Variants in RAF1 observed in about 807,000 individuals in gnomAD.
RAF1 encodes Raf-1 proto-oncogene, serine/threonine kinase, also known as RAF proto-oncogene serine/threonine-protein kinase.
Under a neutral mutation model 81.1 loss-of-function variants are expected in RAF1, and 27 were observed. The observed-to-expected ratio is 0.33, with a 90% CI of 0.25 to 0.46. The LOEUF (loss-of-function observed/expected upper bound fraction) is 0.46, where lower values mean the gene tolerates loss of function less well. RAF1 is among the 20% of genes least tolerant of loss of function. The pLI is 1.00. For synonymous variants in RAF1, 298 were observed against 294.0 expected (o/e 1.01, Z -0.14); for missense variants, 598 against 826.0 (o/e 0.72, Z 3.38).
chr3:12,631,579 A>G (rs1397568568), intron 1 of RAF1, among the ~76,000 whole-genome samples: 1 of 152,234 alleles, frequency 6.6e-6, no homozygotes, highest in Non-Finnish European at 1.5e-5. Flanking sequence ...AGCCTAGGCG[A>G]CACAGTGAGA....
chr3:12,635,318 CAAAAAAAAAAAAAAAAAAAAAAAAA>C (rs71063852), intron 1 of RAF1, among the ~76,000 whole-genome samples: 14 of 27,598 alleles, frequency 5.1e-4, no homozygotes, highest in Non-Finnish European at 7.3e-4. Flanking sequence ...GACCCTGTCT[CAAAAAAAAAAAAAAAAAAAAAAAAA>C]AAAAAAAAAA....
chr3:12,624,745 T>C (rs1266531021), intron 1 of RAF1, among the ~76,000 whole-genome samples: 1 of 152,082 alleles, frequency 6.6e-6, no homozygotes. Flanking sequence ...ATCACCCCTG[T>C]AATCCCAGCA....
chr3:12,637,946 G>A (rs1423790215), intron 1 of RAF1, among the ~76,000 whole-genome samples: 1 of 151,956 alleles, frequency 6.6e-6, no homozygotes, highest in Non-Finnish European at 1.5e-5. Context: ...CTTTAACTGT[G>A]ACCTACAAGA....
chr3:12,628,339 T>C (rs2059766823), intron 1 of RAF1, among the ~76,000 whole-genome samples: 1 of 151,788 alleles, frequency 6.6e-6, no homozygotes, highest in African/African-American at 2.4e-5. Context: ...GAGACCAGCC[T>C]TGGCAATAGT....
In RAF1 at chr3:12,628,668, CTACTT is replaced by C. The variant is rs1288974013; in HGVS notation, c.-26-9926_-26-9922del. On this transcript the variant is annotated intron_variant, in intron 1 of 17. Coordinates refer to ENST00000442415, the MANE Select transcript of RAF1 (RefSeq NM_001354689.3). ...GTGACCTTATTTATCATTCAAATTT[CTACTT>C]TAAAGTAGAAGATACTTTAATGGAT... Among the ~76,000 whole-genome samples, 4 of 143,746 alleles carry C rather than the reference CTACTT, an allele frequency of 2.8e-5. No individual in the cohort carries two copies. In the East Asian group the frequency reaches 8.3e-4, roughly 30 times the overall value. 94.3% of individuals were successfully genotyped at this position (143,746 alleles called of 152,430 possible).
intron 14 of RAF1, chr3:12,586,052 GCTT>G (rs746403153): frequency 3.5e-4 from 168 of 483,064 alleles, no homozygotes; most frequent in Non-Finnish European, 5.5e-4. Context: ...TTTCTTCCCT[GCTT>G]CTTCTCCCCA....
intron 3 of RAF1, among the ~76,000 whole-genome samples, chr3:12,611,196 CAT>C (rs939728730): frequency 3.3e-5 from 5 of 151,922 alleles, no homozygotes; most frequent in Admixed American, 6.6e-5. Context: ...CAATACCTAA[CAT>C]GTGTTTGTTT....
At chr3:12,621,642 C>CT (rs2059559797) in intron 1 of RAF1, among the ~76,000 whole-genome samples, 1 of 152,158 alleles carries the variant, frequency 6.6e-6, no homozygotes, top group Admixed American at 6.5e-5. Context: ...CTACAGAAGC[C>CT]TAAGACAAGT....
chr3:12,647,830 G>A lies in RAF1; in HGVS notation c.-27+15983C>T, dbSNP rs866541703. 2.0e-5 allele frequency among the ~76,000 whole-genome samples: 3 copies of A among 152,208 alleles called. No individual in the cohort carries two copies. In the South Asian group the frequency reaches 6.2e-4, roughly 32 times the overall value. ...TGACCACAAACTGGTAACTTCATCA[G>A]ATGACAGCCCAGAATAAACACACAT... On this transcript the variant is annotated intron_variant, in intron 1 of 17. Coordinates refer to ENST00000442415, the MANE Select transcript of RAF1 (RefSeq NM_001354689.3).
chr3:12,645,022 C>A (rs1245838964), intron 1 of RAF1, among the ~76,000 whole-genome samples: 1 of 145,276 alleles, frequency 6.9e-6, no homozygotes, highest in Non-Finnish European at 1.5e-5. Context: ...CTGCTTGAAC[C>A]AGAGAGTTGG....
chr3:12,599,872 C>T, intron 10 of RAF1, 64 bp from the exon 10 acceptor site: 3 of 1,308,712 alleles, frequency 2.3e-6, no homozygotes, highest in Non-Finnish European at 3.3e-6. Flanking sequence ...ATAATGAGGG[C>T]ATCAAAGGAT....
chr3:12,611,603 G>A (rs1421390530), intron 3 of RAF1, among the ~76,000 whole-genome samples: 1 of 152,162 alleles, frequency 6.6e-6, no homozygotes, highest in Non-Finnish European at 1.5e-5. Flanking sequence ...CGGAGGCTGA[G>A]GCAGGAAAAT....
At chr3:12,595,709 A>G (rs1174560524) in intron 11 of RAF1, among the ~76,000 whole-genome samples, 1 of 152,024 alleles carries the variant, frequency 6.6e-6, no homozygotes, top group East Asian at 1.9e-4. Context: ...CCTCCATGCA[A>G]ATGCCACTTT....
At position 12,628,761 on chromosome 3, in the gene RAF1, G is replaced by T. The variant is rs867260593; in HGVS notation, c.-26-10014C>A. 5.8e-5 allele frequency among the ~76,000 whole-genome samples: 8 copies of T among 137,636 alleles called. 1 individual carries two copies. Among genetic ancestry groups the T allele is most frequent in the East Asian group, 2.4e-4 (1 of 4,108 alleles). The allele number at this position is 137,636 out of a possible 152,430, so 90.3% of individuals were successfully genotyped here. On this transcript the variant is annotated intron_variant, in intron 1 of 17. Coordinates refer to ENST00000442415, the MANE Select transcript of RAF1 (RefSeq NM_001354689.3). Reference sequence around the variant, plus strand: ...ACCTGAGACTATTTTTGGGGGGGGGGGGTGGCGGGGCACATGGTCTCACTC... The same window carrying T: ...ACCTGAGACTATTTTTGGGGGGGGGTGGTGGCGGGGCACATGGTCTCACTC...
chr3:12,618,591 T>C lies in RAF1; in HGVS notation c.131A>G (p.Asp44Gly). The stretch of plus-strand genomic sequence containing the variant: ...AGAAGGATCTGTGAGTTTGCCATCA[T>C]CTGATGCCCGGCGCTGATAGCCAAA... The change falls in exon 2 of 18, where the codon GAT becomes GGT. Residue 44 changes from aspartate (D) to glycine (G), a missense_variant. Coordinates refer to ENST00000442415, the MANE Select transcript of RAF1 (RefSeq NM_001354689.3). The C allele has an allele frequency of 1.9e-6, 3 of 1,614,192 alleles. No individual in the cohort carries two copies. The highest frequency in any genetic ancestry group is 1.7e-6 in the Non-Finnish European group (2 of 1,180,036).
intron 1 of RAF1, among the ~76,000 whole-genome samples, chr3:12,636,322 A>T (rs972354426): frequency 2.0e-5 from 3 of 151,242 alleles, no homozygotes; most frequent in African/African-American, 2.4e-5. Context: ...GTTTGGTGGT[A>T]CATACCACCA....
chr3:12,633,830 G>A (rs563190669), intron 1 of RAF1, among the ~76,000 whole-genome samples: 1 of 151,242 alleles, frequency 6.6e-6, no homozygotes, highest in African/African-American at 2.4e-5. Context: ...AGCTACTTGG[G>A]AGGCTGAGGC....
intron 1 of RAF1, among the ~76,000 whole-genome samples, chr3:12,654,529 G>GAA (rs1367205930): frequency 1.3e-5 from 2 of 151,570 alleles, no homozygotes; most frequent in Non-Finnish European, 2.9e-5. Flanking sequence ...TTGTGCCTGG[G>GAA]AGGTCAAGGC....
At chr3:12,651,278 TAATC>T (rs2060515593) in intron 1 of RAF1, among the ~76,000 whole-genome samples, 1 of 152,238 alleles carries the variant, frequency 6.6e-6, no homozygotes, top group African/African-American at 2.4e-5. Flanking sequence ...TACATGCTTA[TAATC>T]TCATACCAAT....
Sources: allele counts gnomAD v4.1 joint callset (sites outside exome capture counted in the v4.1 genomes callset), GRCh38; gene constraint gnomAD v4.1.1; transcripts MANE v1.5; gene names NCBI Gene and HGNC (gene_info 2026-07-23, HGNC 2026-07-21).